Variants in TSR2 observed in about 807,000 individuals in gnomAD.
TSR2 encodes TSR2 ribosome maturation factor.
Under a neutral mutation model 13.3 loss-of-function variants are expected in TSR2, and 1 was observed. That is an observed-to-expected ratio of 0.08 (90% CI 0.03 to 0.36). The LOEUF (loss-of-function observed/expected upper bound fraction) is 0.36, where lower values mean the gene tolerates loss of function less well. Ranked by LOEUF, TSR2 falls within the 10% of genes least tolerant of loss-of-function variation. TSR2 has a pLI of 0.99. For missense variants in TSR2, 120 were observed against 151.1 expected, an observed-to-expected ratio of 0.79 and a Z score of 1.08; for synonymous variants, 60 against 57.7, an observed-to-expected ratio of 1.04 and a Z score of -0.18.
Position 54,446,429 on chromosome X carries a change from G to A in TSR2, c.*1879G>A. ...GCTTTCACATCCTGGCGGGAGGAGG[G>A]ACAGAGCTGGGGCCACCTTGGGGCT... On this transcript the variant is annotated 3_prime_UTR_variant, in exon 5 of 5. Coordinates refer to ENST00000375151, the MANE Select transcript of TSR2 (RefSeq NM_058163.3). The A allele has an allele frequency of 8.3e-7, 1 of 1,202,731 alleles. No homozygotes were observed. The highest frequency in any genetic ancestry group is 1.1e-6 in the Non-Finnish European group (1 of 890,096).
intron 3 of TSR2, among the ~76,000 whole-genome samples, chrX:54,443,721 G>A (rs1922013494): frequency 9.0e-6 from 1 of 111,452 alleles, no homozygotes; most frequent in Non-Finnish European, 1.9e-5. Context: ...TTTCACCCCC[G>A]CTCTGGTTAC....
chrX:54,444,593 C>T lies in TSR2; in HGVS notation c.*43C>T, dbSNP rs185864093. On this transcript the variant is annotated 3_prime_UTR_variant, in exon 5 of 5. Coordinates refer to ENST00000375151, the MANE Select transcript of TSR2 (RefSeq NM_058163.3). The stretch of plus-strand genomic sequence containing the variant: ...TGGCTTTGGGCCCTTATTTGCTGTT[C>T]TAAGAGTTGTCTGTAGGGGTTTTTT... 143 of 1,177,736 alleles carry T rather than the reference C, an allele frequency of 1.2e-4. No individual in the cohort carries two copies. Among genetic ancestry groups the T allele is most frequent in the Admixed American group, 1.2e-3 (51 of 42,543 alleles).
In TSR2 at chrX:54,447,608, G is replaced by C. The variant is rs1922256791; in HGVS notation, c.*3058G>C. Among the ~76,000 whole-genome samples the C allele has an allele frequency of 8.9e-6, 1 of 112,676 alleles. No individual in the cohort carries two copies. The highest frequency in any genetic ancestry group is 1.9e-5 in the Non-Finnish European group (1 of 53,352). On this transcript the variant is annotated 3_prime_UTR_variant, in exon 5 of 5. Transcript: ENST00000375151. ...GGAGTGATTTGTCCAGTGCCACCCA[G>C]TGAATCAGCTAGAGCTGAGATTCAA...
chrX:54,440,677 C>T lies in TSR2; in HGVS notation c.82-13C>T. On this transcript the variant is annotated splice_polypyrimidine_tract_variant and intron_variant, in intron 1 of 4. Coordinates refer to ENST00000375151, the MANE Select transcript of TSR2 (RefSeq NM_058163.3). The stretch of plus-strand genomic sequence containing the variant: ...CCCAAGCTGACTTGGTGGGCTTGGA[C>T]CTGTGTTTACAGATCGCTGTGGAGA... The T allele has an allele frequency of 3.3e-6, 4 of 1,208,275 alleles. No individual in the cohort carries two copies. The South Asian group carries it at 5.3e-5, about 16-fold the overall frequency.
At chrX:54,443,351 A>AT (rs1921996269) in intron 2 of TSR2, 49 bp from the exon 3 acceptor site, 6 of 953,889 alleles carry the variant, frequency 6.3e-6, no homozygotes, top group Non-Finnish European at 7.5e-6. Context: ...GGCAGGGGTG[A>AT]TGAAGTTGGC....
Position 54,447,210 on chromosome X carries a change from T to C in TSR2, c.*2660T>C. 1 of 947,900 alleles carries C rather than the reference T, an allele frequency of 1.1e-6. No homozygotes were observed. Among genetic ancestry groups the C allele is most frequent in the Non-Finnish European group, 1.5e-6 (1 of 663,135 alleles). The allele number at this position is 947,900 out of a possible 1,213,427, so 78.1% of individuals were successfully genotyped here. On this transcript the variant is annotated 3_prime_UTR_variant, in exon 5 of 5. Coordinates refer to ENST00000375151, the MANE Select transcript of TSR2 (RefSeq NM_058163.3). ...TCCTCTTAGAGATAGGCTCACCTTA[T>C]CTTCCAAGGCTCACCTTATCTTCCA... is the stretch of plus-strand genomic sequence containing the variant.
intron 2 of TSR2, among the ~76,000 whole-genome samples, chrX:54,441,375 G>A (rs1921930681): frequency 8.9e-6 from 1 of 111,943 alleles, no homozygotes; most frequent in Non-Finnish European, 1.9e-5. Context: ...AGGCCCAGTA[G>A]AGGGCCTGTT....
Position 54,447,705 on chromosome X carries a change from TC to T in TSR2, c.*3156del, listed in dbSNP as rs1922262431. ...GGCCAGTGGAAGGAGTGTGCGGATC[TC>T]AGGCATTCTTTCTTCAGTCAGAGCA... On this transcript the variant is annotated 3_prime_UTR_variant, in exon 5 of 5. Transcript: ENST00000375151. Among the ~76,000 whole-genome samples the T allele has an allele frequency of 1.8e-5, 2 of 112,625 alleles. No homozygotes were observed. The highest frequency in any genetic ancestry group is 3.7e-5 in the Non-Finnish European group (2 of 53,347).
intron 2 of TSR2, among the ~76,000 whole-genome samples, chrX:54,441,910 T>C (rs1423713691): frequency 8.9e-6 from 1 of 111,929 alleles, no homozygotes; most frequent in East Asian, 2.8e-4. Context: ...CCAGTTACCT[T>C]ATGTAAGAAA....
rs1922196464 is a variant in TSR2 at position 54,446,693 on chromosome X, T to C, written c.*2143T>C. 9.4e-6 allele frequency among the ~76,000 whole-genome samples: 1 copy of C among 106,094 alleles called. No individual in the cohort carries two copies. The highest frequency in any genetic ancestry group is 3.4e-5 in the African/African-American group (1 of 29,050). The allele number at this position is 106,094 out of a possible 115,157, so 92.1% of individuals were successfully genotyped here. Reference sequence around the variant, plus strand: ...ATACCAAATAATGTTTTCAGGCCTTTGTCTATGCTATTGCCCCTATCTGCA... The same window carrying C: ...ATACCAAATAATGTTTTCAGGCCTTCGTCTATGCTATTGCCCCTATCTGCA... On this transcript the variant is annotated 3_prime_UTR_variant, in exon 5 of 5. Transcript: ENST00000375151.
At chrX:54,443,935 G>A in intron 3 of TSR2, 73 bp from the exon 4 acceptor site, 1 of 1,169,283 alleles carries the variant, frequency 8.6e-7, no homozygotes, top group Non-Finnish European at 1.1e-6. Context: ...ACTCCCCACT[G>A]TTGCTTCAAA....
rs1922253438 is a variant in TSR2 at position 54,447,531 on chromosome X, T to C, written c.*2981T>C. On this transcript the variant is annotated 3_prime_UTR_variant, in exon 5 of 5. Transcript: ENST00000375151. ...CCTCCTAGCTTTAATACCTCCTCAG[T>C]GTAGGGACTGCTATTCCTATCTCAG... The C allele has an allele frequency of 2.9e-6, 3 of 1,018,831 alleles. No homozygotes were observed. In the South Asian group the frequency reaches 6.0e-5, roughly 20 times the overall value. 84.0% of individuals were successfully genotyped at this position (1,018,831 alleles called of 1,213,427 possible).
In TSR2 at chrX:54,446,224, G is replaced by A. The variant is rs1247164376; in HGVS notation, c.*1674G>A. 4 of 1,210,433 alleles carry A rather than the reference G, an allele frequency of 3.3e-6. No individual in the cohort carries two copies. Among genetic ancestry groups the A allele is most frequent in the Non-Finnish European group, 3.4e-6 (3 of 895,158 alleles). Reference sequence around the variant, plus strand: ...AGACAGTGTGGGCCCCGGGCAGAACGTGTCCCCTCGGCCCGCCCGGCCAAG... The same window carrying A: ...AGACAGTGTGGGCCCCGGGCAGAACATGTCCCCTCGGCCCGCCCGGCCAAG... On this transcript the variant is annotated 3_prime_UTR_variant, in exon 5 of 5. Transcript: ENST00000375151.
rs1922179294 is a variant in TSR2 at position 54,446,398 on chromosome X, C to T, written c.*1848C>T. 2.5e-6 allele frequency: 3 copies of T among 1,209,744 alleles called. No homozygotes were observed. Among genetic ancestry groups the T allele is most frequent in the South Asian group, 1.8e-5 (1 of 56,391 alleles). On this transcript the variant is annotated 3_prime_UTR_variant, in exon 5 of 5. Transcript: ENST00000375151. ...CTCGAAGCCAATGAGGGGCAGGCTG[C>T]GCTGGGCTTTCACATCCTGGCGGGA...
chrX:54,447,192 A>G lies in TSR2; in HGVS notation c.*2642A>G, dbSNP rs771162860. On this transcript the variant is annotated 3_prime_UTR_variant, in exon 5 of 5. Transcript: ENST00000375151. ...AGGGTTGGGGTTCTGATTTCCTCTT[A>G]GAGATAGGCTCACCTTATCTTCCAA... is the stretch of plus-strand genomic sequence containing the variant. The G allele has an allele frequency of 1.4e-5, 11 of 799,916 alleles. No individual in the cohort carries two copies. The highest frequency in any genetic ancestry group is 2.0e-5 in the Non-Finnish European group (11 of 537,704). 65.9% of individuals were successfully genotyped at this position (799,916 alleles called of 1,213,427 possible).
intron 2 of TSR2, 48 bp downstream of exon 2, chrX:54,440,828 A>G: frequency 2.0e-6 from 2 of 1,015,679 alleles, no homozygotes; most frequent in South Asian, 4.6e-5. Context: ...GGGTGTGGAG[A>G]GGAGGAGCCC....
Position 54,447,026 on chromosome X carries a change from A to G in TSR2, c.*2476A>G, listed in dbSNP as rs1922222897. ...GGCGTGAGCCACTGCGCTCGGTCCC[A>G]TCTGCATACTCTTACCCACTCCAAA... On this transcript the variant is annotated 3_prime_UTR_variant, in exon 5 of 5. Coordinates refer to ENST00000375151, the MANE Select transcript of TSR2 (RefSeq NM_058163.3). Among the ~76,000 whole-genome samples the G allele has an allele frequency of 9.0e-6, 1 of 111,230 alleles. No homozygotes were observed. Among genetic ancestry groups the G allele is most frequent in the South Asian group, 3.8e-4 (1 of 2,642 alleles).
At position 54,447,004 on chromosome X, in the gene TSR2, G is replaced by A. The variant is rs1050091247; in HGVS notation, c.*2454G>A. Among the ~76,000 whole-genome samples the A allele has an allele frequency of 3.6e-5, 4 of 111,269 alleles. No homozygotes were observed. Among genetic ancestry groups the A allele is most frequent in the African/African-American group, 1.3e-4 (4 of 30,596 alleles). ...CTCTCAGAGTGCTGGGATTACAGGC[G>A]TGAGCCACTGCGCTCGGTCCCATCT... On this transcript the variant is annotated 3_prime_UTR_variant, in exon 5 of 5. Coordinates refer to ENST00000375151, the MANE Select transcript of TSR2 (RefSeq NM_058163.3).
chrX:54,441,495 C>T (rs890916881), intron 2 of TSR2, among the ~76,000 whole-genome samples: 2 of 112,145 alleles, frequency 1.8e-5, no homozygotes, highest in Admixed American at 9.5e-5. Flanking sequence ...GATCCACACA[C>T]GTAAATAGTT....
Sources: gnomAD v4.1 joint callset for allele counts (sites outside exome capture counted in the v4.1 genomes callset) on GRCh38, gnomAD v4.1.1 for gene constraint, MANE v1.5 for transcripts, NCBI Gene and HGNC (gene_info 2026-07-23, HGNC 2026-07-21) for gene names.